Variants in RAB6B observed in about 807,000 individuals in gnomAD.
RAB6B encodes RAB6B, member RAS oncogene family, also known as ras-related protein Rab-6B.
Under a neutral mutation model 31.2 loss-of-function variants are expected in RAB6B, and 7 were observed. The observed-to-expected ratio is 0.22, with a 90% CI of 0.13 to 0.42. The LOEUF (loss-of-function observed/expected upper bound fraction) is 0.42. Among genes scored for constraint, RAB6B ranks in the 10% least tolerant of loss-of-function variants. The probability of loss-of-function intolerance (pLI) is 1.00; values close to 1 mark genes in which losing one functional copy is unlikely to be tolerated. For missense variants in RAB6B, 149 were observed against 280.6 expected (o/e 0.53, Z 3.35); for synonymous variants, 105 against 104.9 (o/e 1.00, Z -0.01).
intron 1 of RAB6B, among the ~76,000 whole-genome samples, chr3:133,868,050 A>AG (rs1414298799): frequency 6.6e-6 from 1 of 152,060 alleles, no homozygotes; most frequent in African/African-American, 2.4e-5. Context: ...TGCAGACCTG[A>AG]GGCAGAGCTT....
intron 1 of RAB6B, among the ~76,000 whole-genome samples, chr3:133,880,536 C>G (rs1247610064): frequency 6.6e-6 from 1 of 152,230 alleles, no homozygotes; most frequent in Non-Finnish European, 1.5e-5. Context: ...ATCCCGGATG[C>G]CTGCCCCCTT....
chr3:133,836,732 C>G (rs952583659), intron 6 of RAB6B, among the ~76,000 whole-genome samples: 1 of 152,056 alleles, frequency 6.6e-6, no homozygotes, highest in African/African-American at 2.4e-5. Context: ...CCCCAGGGAG[C>G]AGGAAGGACC....
chr3:133,831,917 C>A (rs1469876216), intron 7 of RAB6B, among the ~76,000 whole-genome samples: 1 of 152,236 alleles, frequency 6.6e-6, no homozygotes, highest in Non-Finnish European at 1.5e-5. Context: ...TCTGACTCTA[C>A]TGCAGCACAA....
chr3:133,861,227 T>A (rs1027076157), intron 2 of RAB6B, among the ~76,000 whole-genome samples: 1 of 152,256 alleles, frequency 6.6e-6, no homozygotes, highest in Non-Finnish European at 1.5e-5. Context: ...GGGTTTTATA[T>A]GAGAGAACCA....
chr3:133,851,740 G>T (rs941403387), intron 2 of RAB6B, among the ~76,000 whole-genome samples: 6 of 152,226 alleles, frequency 3.9e-5, no homozygotes, highest in Admixed American at 2.6e-4. Context: ...GAGCCACACA[G>T]AAGTGAAGTG....
chr3:133,880,434 G>A (rs1225839314), intron 1 of RAB6B, among the ~76,000 whole-genome samples: 1 of 152,254 alleles, frequency 6.6e-6, no homozygotes, highest in Non-Finnish European at 1.5e-5. Context: ...ACCCAACAGT[G>A]ATGACACAGC....
chr3:133,889,119 T>G (rs1455869678), intron 1 of RAB6B, among the ~76,000 whole-genome samples: 1 of 152,100 alleles, frequency 6.6e-6, no homozygotes, highest in Non-Finnish European at 1.5e-5. Flanking sequence ...CCTTCCCCAG[T>G]GGTTCTGTCC....
Position 133,825,460 on chromosome 3 carries a change from CAAG to C in RAB6B, c.*3325_*3327del, listed in dbSNP as rs1051195003. ...AACATGACTGAATGTTTAAGGATGA[CAAG>C]AAGAGAGCAGCGATAGATAGCAAGG... On this transcript the variant is annotated 3_prime_UTR_variant, in exon 8 of 8. Coordinates refer to ENST00000285208, the MANE Select transcript of RAB6B (RefSeq NM_016577.4). 2 of 152,178 alleles carry C rather than the reference CAAG, an allele frequency of 1.3e-5. No individual in the cohort carries two copies. Among genetic ancestry groups the C allele is most frequent in the African/African-American group, 4.8e-5 (2 of 41,436 alleles). The allele number at this position is 152,178 out of a possible 1,614,324, so 9.4% of individuals were successfully genotyped here.
chr3:133,839,486 CT>C lies in RAB6B; in HGVS notation c.401+19del. The C allele has an allele frequency of 1.9e-6, 3 of 1,588,046 alleles. No individual in the cohort carries two copies. The highest frequency in any genetic ancestry group is 2.6e-6 in the Non-Finnish European group (3 of 1,156,144). On this transcript the variant is annotated intron_variant, in intron 5 of 7. Transcript: ENST00000285208. ...AGGAGTGGAGGGTGGCACCCTGCACCTGTGTGCCCTTGCACCTACCTCTTAT... is the reference window on the plus strand; with the variant it reads ...AGGAGTGGAGGGTGGCACCCTGCACCGTGTGCCCTTGCACCTACCTCTTAT...
At chr3:133,877,314 G>A (rs995850625) in intron 1 of RAB6B, among the ~76,000 whole-genome samples, 12 of 152,246 alleles carry the variant, frequency 7.9e-5, no homozygotes, top group African/African-American at 2.9e-4. Flanking sequence ...AAATGTATAT[G>A]AGGAAACTAC....
intron 6 of RAB6B, among the ~76,000 whole-genome samples, chr3:133,835,423 CAT>C (rs1317711994): frequency 1.3e-5 from 2 of 150,640 alleles, no homozygotes; most frequent in Non-Finnish European, 3.0e-5. Context: ...GGAATGTGTG[CAT>C]AGTGTGTGTC....
At chr3:133,865,199 T>C (rs1163343988) in intron 1 of RAB6B, among the ~76,000 whole-genome samples, 1 of 152,176 alleles carries the variant, frequency 6.6e-6, no homozygotes, top group Admixed American at 6.5e-5. Flanking sequence ...ACCGTCCAGC[T>C]CATTGCAGGA....
In RAB6B at chr3:133,826,443, A is replaced by G. The variant is rs1935564401; in HGVS notation, c.*2345T>C. On this transcript the variant is annotated 3_prime_UTR_variant, in exon 8 of 8. Transcript: ENST00000285208. ...AGTGCCAAGAAAATAAAAATCTACC[A>G]TACGTTCATTCACTGAGACCCAGTG... The G allele has an allele frequency of 6.6e-6, 1 of 152,548 alleles. No individual in the cohort carries two copies. Among genetic ancestry groups the G allele is most frequent in the Non-Finnish European group, 1.5e-5 (1 of 68,050 alleles). The allele number at this position is 152,548 out of a possible 1,614,324, so 9.4% of individuals were successfully genotyped here. A position where few individuals can be genotyped will look rare whatever the true frequency, so the allele number is the denominator to read the frequency against.
chr3:133,825,376 T>C lies in RAB6B; in HGVS notation c.*3412A>G, dbSNP rs1389326194. The stretch of plus-strand genomic sequence containing the variant: ...CTCTTAACTACCACCATTTCAATCC[T>C]TGTTTCTGTTGCCAGAGATACTGAA... On this transcript the variant is annotated 3_prime_UTR_variant, in exon 8 of 8. Transcript: ENST00000285208. 3 of 152,262 alleles carry C rather than the reference T, an allele frequency of 2.0e-5. No individual in the cohort carries two copies. Among genetic ancestry groups the C allele is most frequent in the Non-Finnish European group, 4.4e-5 (3 of 68,072 alleles). 9.4% of individuals were successfully genotyped at this position (152,262 alleles called of 1,614,324 possible).
At position 133,827,957 on chromosome 3, in the gene RAB6B, C is replaced by T. The variant is rs1286601652; in HGVS notation, c.*831G>A. ...ATGGCACCCCAGTCTATAAACCACG[C>T]ACCACGCAGCTGCAATTGCCAACAG... On this transcript the variant is annotated 3_prime_UTR_variant, in exon 8 of 8. Coordinates refer to ENST00000285208, the MANE Select transcript of RAB6B (RefSeq NM_016577.4). 2 of 702,892 alleles carry T rather than the reference C, an allele frequency of 2.8e-6. No individual in the cohort carries two copies. The highest frequency in any genetic ancestry group is 2.7e-5 in the East Asian group (1 of 37,302). The allele number at this position is 702,892 out of a possible 1,614,324, so 43.5% of individuals were successfully genotyped here.
chr3:133,850,453 C>T (rs1401145189), intron 2 of RAB6B, among the ~76,000 whole-genome samples: 1 of 152,044 alleles, frequency 6.6e-6, no homozygotes, highest in East Asian at 1.9e-4. Context: ...AAAATAAGCT[C>T]ATAATAAAGG....
At position 133,825,548 on chromosome 3, in the gene RAB6B, C is replaced by T. The variant is rs1192939699; in HGVS notation, c.*3240G>A. The T allele has an allele frequency of 1.3e-5, 2 of 152,270 alleles. No individual in the cohort carries two copies. The highest frequency in any genetic ancestry group is 4.8e-5 in the African/African-American group (2 of 41,464). The allele number at this position is 152,270 out of a possible 1,614,324, so 9.4% of individuals were successfully genotyped here. On this transcript the variant is annotated 3_prime_UTR_variant, in exon 8 of 8. Transcript: ENST00000285208. ...TACCAAGCCAACTAGCCTTGGATCA[C>T]ACAACTGCAGCCATGGTGCTCATGA...
rs755497810 is a variant in RAB6B, at chr3:133,834,552, CACTT to C, written c.562+19_562+22del. The C allele has an allele frequency of 4.4e-6, 7 of 1,597,408 alleles. No homozygotes were observed. Among genetic ancestry groups the C allele is most frequent in the African/African-American group, 4.0e-5 (3 of 74,558 alleles). ...AATGGCTTCTATACATCTTTTCACT[CACTT>C]GTCAAAGGAAAAGGATACTCCCTTC... On this transcript the variant is annotated intron_variant, in intron 7 of 7. Transcript: ENST00000285208.
intron 6 of RAB6B, among the ~76,000 whole-genome samples, chr3:133,837,594 G>A (rs1935755401): frequency 6.6e-6 from 1 of 152,174 alleles, no homozygotes; most frequent in African/African-American, 2.4e-5. Flanking sequence ...ATGTTTTCCA[G>A]CCCTGTCTGC....
Sources: allele counts gnomAD v4.1 joint callset (sites outside exome capture counted in the v4.1 genomes callset), GRCh38; gene constraint gnomAD v4.1.1; transcripts MANE v1.5; gene names NCBI Gene and HGNC (gene_info 2026-07-23, HGNC 2026-07-21).